Variants in N4BP2 observed in about 807,000 individuals in gnomAD.
The protein encoded by N4BP2 is NEDD4-binding protein 2.
A neutral mutation model predicts 152.8 loss-of-function variants in N4BP2; 91 were observed. The observed-to-expected ratio is 0.60, with a 90% CI of 0.50 to 0.71. The LOEUF (loss-of-function observed/expected upper bound fraction) is 0.71. Among genes scored for constraint, N4BP2 ranks in the 30% least tolerant of loss-of-function variants. N4BP2 has a pLI of 0.00. For synonymous variants in N4BP2, 646 were observed against 705.3 expected (o/e 0.92, Z 1.33); for missense variants, 1,923 against 2,059.1 (o/e 0.93, Z 1.28).
chr4:40,130,047 T>G (rs1307176359), intron 12 of N4BP2, among the ~76,000 whole-genome samples: 1 of 152,160 alleles, frequency 6.6e-6, no homozygotes, highest in Non-Finnish European at 1.5e-5. Flanking sequence ...GTGAAATATT[T>G]TAATTTATTT....
chr4:40,116,972 T>G (rs1717398005), intron 7 of N4BP2, among the ~76,000 whole-genome samples: 1 of 152,234 alleles, frequency 6.6e-6, no homozygotes, highest in South Asian at 2.1e-4. Context: ...AGTTTTAAAA[T>G]GATTTTTTAA....
chr4:40,142,553 C>T (rs1198695260), intron 14 of N4BP2, 120 bp from the exon 15 acceptor site: 2 of 649,550 alleles, frequency 3.1e-6, no homozygotes, highest in African/African-American at 3.7e-5. Context: ...AATCTATTTC[C>T]TGAGGAGAGA....
At chr4:40,190,260 A>G in the N4BP2 span, among the ~76,000 whole-genome samples, 1 of 152,204 alleles carries the variant, frequency 6.6e-6, no homozygotes, top group East Asian at 1.9e-4. Flanking sequence ...GTATTATAGC[A>G]AGTGTTCAGT....
chr4:40,171,317 C>T, the N4BP2 span, among the ~76,000 whole-genome samples: 1 of 152,148 alleles, frequency 6.6e-6, no homozygotes, highest in East Asian at 1.9e-4. Flanking sequence ...ATACCACTGG[C>T]AGAAAGAGAG....
At position 40,154,359 on chromosome 4, in the gene N4BP2, CAAAA is replaced by C; in HGVS notation, c.*126_*129del. The C allele has an allele frequency of 3.5e-6, 2 of 568,970 alleles. No individual in the cohort carries two copies. The highest frequency in any genetic ancestry group is 5.8e-6 in the Non-Finnish European group (2 of 347,108). 35.2% of individuals were successfully genotyped at this position (568,970 alleles called of 1,614,324 possible). ...TTATAAATAATATTCAATTATGAAA[CAAAA>C]AAATTATGATGTTTTTCAAAATGCA... On this transcript the variant is annotated 3_prime_UTR_variant, in exon 18 of 18. Coordinates refer to ENST00000261435, the MANE Select transcript of N4BP2 (RefSeq NM_018177.6).
chr4:40,131,870 T>A lies in N4BP2; in HGVS notation c.4597T>A (p.Phe1533Ile). The part of the protein sequence containing the change: ...KLKEKQLFKI[F>I]PAINQNFLVD... ...AAAGGAGAAGCAGCTCTTTAAGATA[T>A]TTCCAGCCATTAACCAAAATTTTCT... Residue 1533 changes from phenylalanine to isoleucine, a missense_variant, in exon 13 of 18, where the codon TTT becomes ATT. Physicochemically the swap from Phe to Ile is conservative, Grantham distance 21 (BLOSUM62 0). Transcript: ENST00000261435. 1 of 1,613,736 alleles carries A rather than the reference T, an allele frequency of 6.2e-7. No homozygotes were observed. The highest frequency in any genetic ancestry group is 8.5e-7 in the Non-Finnish European group (1 of 1,179,774).
chr4:40,163,221 T>C, downstream of N4BP2, among the ~76,000 whole-genome samples: 1 of 152,218 alleles, frequency 6.6e-6, no homozygotes, highest in East Asian at 1.9e-4. Context: ...TACTATGAAC[T>C]AGGCACCACT....
intron 2 of N4BP2, among the ~76,000 whole-genome samples, chr4:40,086,923 T>G (rs1037432835): frequency 6.6e-6 from 1 of 151,776 alleles, no homozygotes; most frequent in Non-Finnish European, 1.5e-5. Flanking sequence ...TTTTAAAAGA[T>G]TTTTTGTAGA....
chr4:40,143,835 G>A (rs1022508792), intron 15 of N4BP2, among the ~76,000 whole-genome samples: 1 of 152,102 alleles, frequency 6.6e-6, no homozygotes, highest in Non-Finnish European at 1.5e-5. Flanking sequence ...TGGTGTATTA[G>A]AGTTCTCTAG....
chr4:40,105,449 T>A (rs1299657081), intron 4 of N4BP2, among the ~76,000 whole-genome samples: 2 of 151,658 alleles, frequency 1.3e-5, no homozygotes, highest in Admixed American at 6.6e-5. Flanking sequence ...CTCGGTCTCC[T>A]GAGTAGCTGG....
downstream of N4BP2, among the ~76,000 whole-genome samples, chr4:40,162,082 T>A (rs1265265974): frequency 6.6e-6 from 1 of 152,232 alleles, no homozygotes; most frequent in Non-Finnish European, 1.5e-5. Context: ...ACCTTACTTA[T>A]GCCTCCGAAA....
chr4:40,178,703 G>A, the N4BP2 span, among the ~76,000 whole-genome samples: 1 of 152,252 alleles, frequency 6.6e-6, no homozygotes, highest in Admixed American at 6.5e-5. Flanking sequence ...GGTTTGAACA[G>A]ACTCCGTCTG....
At chr4:40,169,511 C>G in the N4BP2 span, among the ~76,000 whole-genome samples, 2 of 151,356 alleles carry the variant, frequency 1.3e-5, no homozygotes, top group African/African-American at 4.8e-5. Flanking sequence ...GACTGCCCTC[C>G]TAAATAATCA....
intron 9 of N4BP2, among the ~76,000 whole-genome samples, chr4:40,122,633 T>A (rs2110000054): frequency 6.6e-6 from 1 of 152,366 alleles, no homozygotes; most frequent in East Asian, 1.9e-4. Flanking sequence ...GCCTTATTTT[T>A]GACACATTTC....
intron 13 of N4BP2, among the ~76,000 whole-genome samples, 175 bp downstream of exon 13, chr4:40,132,094 C>T (rs1367505558): frequency 6.6e-6 from 1 of 152,080 alleles, no homozygotes; most frequent in Non-Finnish European, 1.5e-5. Context: ...GCTAAACCCT[C>T]TATATACCCT....
chr4:40,088,270 A>G (rs1578992940), intron 2 of N4BP2, among the ~76,000 whole-genome samples: 1 of 152,094 alleles, frequency 6.6e-6, no homozygotes, highest in African/African-American at 2.4e-5. Flanking sequence ...TTTTAGATGA[A>G]TATAATTTTT....
chr4:40,166,628 G>T, the N4BP2 span: 1 of 152,016 alleles, frequency 6.6e-6, no homozygotes, highest in East Asian at 1.9e-4. Flanking sequence ...GACGGAGTTT[G>T]TGGTGAGCCG....
chr4:40,149,767 G>A (rs1720968115), intron 16 of N4BP2, among the ~76,000 whole-genome samples: 1 of 151,836 alleles, frequency 6.6e-6, no homozygotes, highest in African/African-American at 2.4e-5. Context: ...CATGGTGGCG[G>A]GCACCTGTAG....
At chr4:40,179,313 T>A in the N4BP2 span, among the ~76,000 whole-genome samples, 1 of 152,136 alleles carries the variant, frequency 6.6e-6, no homozygotes, top group East Asian at 1.9e-4. Flanking sequence ...GAGCTTGCAG[T>A]GAGCCAAGAT....
Sources: gnomAD v4.1 joint callset for allele counts (sites outside exome capture counted in the v4.1 genomes callset) on GRCh38, gnomAD v4.1.1 for gene constraint, MANE v1.5 for transcripts, NCBI Gene and HGNC (gene_info 2026-07-23, HGNC 2026-07-21) for gene names.